The following BNC2 variants were observed in gnomAD, a reference collection of about 807,000 sequenced individuals.
The protein encoded by BNC2 is basonuclin zinc finger protein 2, also known as zinc finger protein basonuclin-2.
A neutral mutation model predicts 76.3 loss-of-function variants in BNC2; 20 were observed. That is an observed-to-expected ratio of 0.26 (90% CI 0.18 to 0.38). The LOEUF is 0.38. Ranked by LOEUF, BNC2 falls within the 10% of genes least tolerant of loss-of-function variation. The pLI is 1.00. For synonymous variants in BNC2, 582 were observed against 514.8 expected (o/e 1.13, Z -1.77); for missense variants, 1,382 against 1,399.8 (o/e 0.99, Z 0.20).
chr9:16,432,746 G>C (rs1011764422), intron 6 of BNC2, among the ~76,000 whole-genome samples: 1 of 152,178 alleles, frequency 6.6e-6, no homozygotes, highest in Non-Finnish European at 1.5e-5. Context: ...ATGGGCCTGA[G>C]GACAGCAGGA....
At chr9:16,713,893 G>A (rs1015094877) in intron 3 of BNC2, among the ~76,000 whole-genome samples, 2 of 152,078 alleles carry the variant, frequency 1.3e-5, no homozygotes, top group African/African-American at 4.8e-5. Flanking sequence ...TGGGCAATAT[G>A]GCAAAACCCT....
At chr9:16,852,118 G>A (rs1435404427) in intron 1 of BNC2, among the ~76,000 whole-genome samples, 2 of 152,100 alleles carry the variant, frequency 1.3e-5, no homozygotes, top group Non-Finnish European at 2.9e-5. Context: ...CCTGACTACA[G>A]AGATACATTT....
At chr9:16,625,000 T>C (rs951734672) in intron 3 of BNC2, among the ~76,000 whole-genome samples, 2 of 152,206 alleles carry the variant, frequency 1.3e-5, no homozygotes, top group Admixed American at 6.5e-5. Context: ...GGGAAGCCAA[T>C]TGGTGCAGTC....
intron 5 of BNC2, among the ~76,000 whole-genome samples, chr9:16,518,582 T>TTTG (rs200405758): frequency 1.3e-4 from 18 of 137,798 alleles, no homozygotes; most frequent in South Asian, 7.8e-4. Context: ...ATATATATTT[T>TTTG]TTGTTGTTGT....
intron 1 of BNC2, among the ~76,000 whole-genome samples, chr9:16,762,838 A>C (rs1183181129): frequency 6.6e-6 from 1 of 152,224 alleles, no homozygotes; most frequent in African/African-American, 2.4e-5. Context: ...TAATGATAAC[A>C]ACAATGAAGA....
intron 4 of BNC2, among the ~76,000 whole-genome samples, chr9:16,571,478 T>C (rs939891027): frequency 2.0e-5 from 3 of 152,196 alleles, no homozygotes; most frequent in Non-Finnish European, 4.4e-5. Context: ...ACTCGGTTTA[T>C]GTAGCCGAAA....
chr9:16,712,117 G>C (rs1464662775), intron 3 of BNC2, among the ~76,000 whole-genome samples: 4 of 152,168 alleles, frequency 2.6e-5, no homozygotes, highest in Admixed American at 1.3e-4. Flanking sequence ...ATTATATCAA[G>C]ACTGCACTGT....
chr9:16,710,642 CCA>C (rs1823810241), intron 3 of BNC2, among the ~76,000 whole-genome samples: 1 of 152,072 alleles, frequency 6.6e-6, no homozygotes, highest in African/African-American at 2.4e-5. Flanking sequence ...TGTTCTATCC[CCA>C]GTTTTTGCAT....
At chr9:16,419,677 AC>A (rs1357921793) in intron 6 of BNC2, 28 bp from the exon 7 acceptor site, 4 of 466,582 alleles carry the variant, frequency 8.6e-6, no homozygotes, top group Non-Finnish European at 1.6e-5. Flanking sequence ...AAGGGGGGGT[AC>A]GTGGATGGGG....
intron 3 of BNC2, among the ~76,000 whole-genome samples, chr9:16,712,028 A>G (rs1823866397): frequency 6.6e-6 from 1 of 152,234 alleles, no homozygotes; most frequent in South Asian, 2.1e-4. Context: ...TGAAAGTCAC[A>G]AATACCTTAG....
intron 1 of BNC2, among the ~76,000 whole-genome samples, chr9:16,801,215 A>C (rs1397836242): frequency 6.6e-6 from 1 of 152,064 alleles, no homozygotes; most frequent in East Asian, 1.9e-4. Context: ...AAAAATAATA[A>C]TGATAGTACT....
intron 1 of BNC2, among the ~76,000 whole-genome samples, chr9:16,751,173 AAAAAAAAACTACAAAACTGTGAAAT>A (rs941433003): frequency 1.4e-5 from 2 of 138,288 alleles, no homozygotes; most frequent in Non-Finnish European, 1.5e-5. Flanking sequence ...ACTGAAGTCT[AAAAAAAAACTACAAAACTGTGAAAT>A]AAAAAAAACT....
intron 3 of BNC2, chr9:16,626,399 T>TATTCCTGCAAGTACTTG (rs1820993500): frequency 6.6e-6 from 1 of 152,198 alleles, no homozygotes; most frequent in Non-Finnish European, 1.5e-5. Flanking sequence ...CGAAGTGTTT[T>TATTCCTGCAAGTACTTG]TTCCTGCAAG....
At chr9:16,485,526 G>C (rs574586751) in intron 5 of BNC2, among the ~76,000 whole-genome samples, 1 of 152,164 alleles carries the variant, frequency 6.6e-6, no homozygotes, top group Non-Finnish European at 1.5e-5. Flanking sequence ...CCCAGTCAAG[G>C]GATCATATAG....
rs1163383437 is a variant in BNC2 at position 16,738,488 on chromosome 9, A to G, written c.4-3T>C. On this transcript the variant is annotated splice_polypyrimidine_tract_variant and splice_region_variant and intron_variant, in intron 1 of 6. Coordinates refer to ENST00000380672, the MANE Select transcript of BNC2 (RefSeq NM_017637.6). ...GGTGGGGTGGGCCCAAGGTGTGCCT[A>G]TTGAGAGATTGGGAAAGGAAATTAC... is the stretch of plus-strand genomic sequence containing the variant. The G allele has an allele frequency of 6.2e-7, 1 of 1,613,914 alleles. No homozygotes were observed. The highest frequency in any genetic ancestry group is 8.5e-7 in the Non-Finnish European group (1 of 1,179,892).
intron 1 of BNC2, among the ~76,000 whole-genome samples, chr9:16,843,761 G>A (rs1250512741): frequency 6.6e-6 from 1 of 152,184 alleles, no homozygotes; most frequent in Admixed American, 6.5e-5. Context: ...AGGAGAAGAG[G>A]TTTAGGTACT....
At chr9:16,802,569 T>C (rs544011624) in intron 1 of BNC2, among the ~76,000 whole-genome samples, 3 of 152,374 alleles carry the variant, frequency 2.0e-5, no homozygotes, top group Non-Finnish European at 4.4e-5. Context: ...TCAGGTCTTA[T>C]GTTTATACAA....
chr9:16,672,452 G>A (rs1385526022), intron 3 of BNC2, among the ~76,000 whole-genome samples: 1 of 152,084 alleles, frequency 6.6e-6, no homozygotes, highest in African/African-American at 2.4e-5. Flanking sequence ...AGCAGAGATC[G>A]TGCCACTGCA....
At chr9:16,495,570 C>T (rs1381181842) in intron 5 of BNC2, among the ~76,000 whole-genome samples, 1 of 152,228 alleles carries the variant, frequency 6.6e-6, no homozygotes. Context: ...CCCAAAGTGC[C>T]ACCAAAGTGG....
Sources: gnomAD v4.1 joint callset for allele counts (sites outside exome capture counted in the v4.1 genomes callset) on GRCh38, gnomAD v4.1.1 for gene constraint, MANE v1.5 for transcripts, NCBI Gene and HGNC (gene_info 2026-07-23, HGNC 2026-07-21) for gene names.